The following ACSM3 variants were observed in gnomAD, a reference collection of about 807,000 sequenced individuals.
The protein encoded by ACSM3 is acyl-CoA synthetase medium chain family member 3, also known as acyl-coenzyme A synthetase ACSM3, mitochondrial.
Under a neutral mutation model 74.1 loss-of-function variants are expected in ACSM3, and 61 were observed. That is an observed-to-expected ratio of 0.82 (90% CI 0.67 to 1.02). The LOEUF (loss-of-function observed/expected upper bound fraction) is 1.02, where lower values mean the gene tolerates loss of function less well. ACSM3 is among the 50% of genes least tolerant of loss of function. The pLI is 0.00. For missense variants in ACSM3, 660 were observed against 697.0 expected (o/e 0.95, Z 0.60); for synonymous variants, 213 against 241.5 (o/e 0.88, Z 1.09).
chr16:20,718,442 T>C, intron 1 of ACSM3: 1 of 597,002 alleles, frequency 1.7e-6, no homozygotes, highest in Non-Finnish European at 2.5e-6. Context: ...TCTCCTAAGA[T>C]GGCCCAGCAC....
At chr16:20,711,693 C>G in intron 1 of ACSM3, 2 of 527,790 alleles carry the variant, frequency 3.8e-6, no homozygotes, top group Non-Finnish European at 7.0e-6. Flanking sequence ...GAGTATTTTT[C>G]CCAGCCAATC....
chr16:20,791,925 CG>C, intron 10 of ACSM3, 76 bp from the exon 11 acceptor site: 2 of 1,410,748 alleles, frequency 1.4e-6, no homozygotes, highest in South Asian at 2.5e-5. Flanking sequence ...GAGACTGTCT[CG>C]GAAAAAAAAA....
chr16:20,794,784 A>C (rs1424084995), intron 12 of ACSM3, among the ~76,000 whole-genome samples: 1 of 152,214 alleles, frequency 6.6e-6, no homozygotes, highest in Non-Finnish European at 1.5e-5. Flanking sequence ...AGGCACAAAG[A>C]GATTACCTAA....
intron 3 of ACSM3, among the ~76,000 whole-genome samples, chr16:20,756,858 G>C (rs1596502018): frequency 6.6e-6 from 1 of 152,078 alleles, no homozygotes; most frequent in Non-Finnish European, 1.5e-5. Context: ...CATATGGCTA[G>C]CCAGTTTTCC....
chr16:20,763,192 TACACC>T (rs2080091473), upstream of ACSM3, among the ~76,000 whole-genome samples: 1 of 152,192 alleles, frequency 6.6e-6, no homozygotes, highest in African/African-American at 2.4e-5. Context: ...AGGCAATAGA[TACACC>T]ATCAAACAAA....
At chr16:20,771,956 A>C (rs11641265) in intron 2 of ACSM3, among the ~76,000 whole-genome samples, 1 of 152,072 alleles carries the variant, frequency 6.6e-6, no homozygotes, top group Non-Finnish European at 1.5e-5. Context: ...ATATCTCATC[A>C]TGGTTTTGAT....
chr16:20,789,252 C>G (rs2080540068), intron 9 of ACSM3, among the ~76,000 whole-genome samples: 1 of 152,036 alleles, frequency 6.6e-6, no homozygotes, highest in African/African-American at 2.4e-5. Flanking sequence ...CAATCATGCA[C>G]AGTGTTAAAC....
rs767708956 is a variant in ACSM3 at position 20,691,167 on chromosome 16, G to A, written c.-190+16345G>A. On this transcript the variant is annotated intron_variant, in intron 1 of 3. Transcript: ENST00000561584. Reference sequence around the variant, plus strand: ...GATTTGTGGATGCCCCAGAGGGTCCGGAACCTCATTAGCCACTGCATGGTG... The same window carrying A: ...GATTTGTGGATGCCCCAGAGGGTCCAGAACCTCATTAGCCACTGCATGGTG... 9.4e-6 allele frequency: 15 copies of A among 1,600,620 alleles called. No individual in the cohort carries two copies. The African/African-American group carries it at 1.2e-4, about 13-fold the overall frequency.
chr16:20,719,679 C>T (rs2079778670), intron 1 of ACSM3, among the ~76,000 whole-genome samples: 1 of 152,190 alleles, frequency 6.6e-6, no homozygotes, highest in South Asian at 2.1e-4. Context: ...TTCTAAATAA[C>T]AGATTAGAAG....
At chr16:20,695,827 A>G (rs2079687091) in intron 1 of ACSM3, among the ~76,000 whole-genome samples, 1 of 152,156 alleles carries the variant, frequency 6.6e-6, no homozygotes, top group Non-Finnish European at 1.5e-5. Flanking sequence ...CTATTTCTGT[A>G]TCTATATACC....
chr16:20,711,591 C>A, intron 1 of ACSM3: 1 of 1,288,578 alleles, frequency 7.8e-7, no homozygotes, highest in South Asian at 1.2e-5. Flanking sequence ...TAGTGGAGTC[C>A]ATTGCACTGG....
At position 20,780,876 on chromosome 16, in the gene ACSM3, G is replaced by A. The variant is rs780992713; in HGVS notation, c.782+19G>A. ...ATGGAAGGTATACTTTCACAAAAGT[G>A]CAGCTTGAAGTGTCAAAACTGCAAA... is the stretch of plus-strand genomic sequence containing the variant. On this transcript the variant is annotated intron_variant, in intron 5 of 13. Coordinates refer to ENST00000289416, the MANE Select transcript of ACSM3 (RefSeq NM_005622.4). 1 of 1,613,858 alleles carries A rather than the reference G, an allele frequency of 6.2e-7. No homozygotes were observed. The highest frequency in any genetic ancestry group is 1.3e-5 in the African/African-American group (1 of 74,936).
At chr16:20,779,395 G>C (rs1199215465) in intron 4 of ACSM3, among the ~76,000 whole-genome samples, 1 of 147,592 alleles carries the variant, frequency 6.8e-6, no homozygotes, top group African/African-American at 2.5e-5. Flanking sequence ...CTGCACTCCA[G>C]CCTGGGTGAG....
upstream of ACSM3, among the ~76,000 whole-genome samples, chr16:20,760,631 G>A (rs1019239553): frequency 2.6e-5 from 4 of 152,080 alleles, no homozygotes; most frequent in Non-Finnish European, 5.9e-5. Context: ...TGATGAATGT[G>A]GAGTTGGGGA....
At chr16:20,771,684 C>T (rs748012788) in intron 2 of ACSM3, among the ~76,000 whole-genome samples, 1 of 152,128 alleles carries the variant, frequency 6.6e-6, no homozygotes, top group Non-Finnish European at 1.5e-5. Context: ...ATGTACAGTG[C>T]TGCAATAAAC....
intron 1 of ACSM3, among the ~76,000 whole-genome samples, chr16:20,768,264 G>A (rs2080149110): frequency 6.6e-6 from 1 of 152,208 alleles, no homozygotes; most frequent in African/African-American, 2.4e-5. Context: ...ATAAGGTCAT[G>A]CAGTTCATAA....
intron 2 of ACSM3, among the ~76,000 whole-genome samples, chr16:20,752,183 C>G (rs1039753126): frequency 2.0e-5 from 3 of 151,914 alleles, no homozygotes; most frequent in Non-Finnish European, 4.4e-5. Context: ...GAGCGAGACT[C>G]TGTCTCACAA....
chr16:20,776,863 A>G (rs1410420148), intron 3 of ACSM3, among the ~76,000 whole-genome samples: 1 of 152,204 alleles, frequency 6.6e-6, no homozygotes, highest in Non-Finnish European at 1.5e-5. Context: ...TTTTGGAAAT[A>G]AATCATAAAG....
intron 1 of ACSM3, among the ~76,000 whole-genome samples, chr16:20,722,651 TCAATA>T (rs1431313225): frequency 1.3e-5 from 2 of 152,208 alleles, no homozygotes; most frequent in Non-Finnish European, 2.9e-5. Context: ...ACATCCATAA[TCAATA>T]CTATACATGA....
Sources: gnomAD v4.1 joint callset for allele counts (sites outside exome capture counted in the v4.1 genomes callset) on GRCh38, gnomAD v4.1.1 for gene constraint, MANE v1.5 for transcripts, NCBI Gene and HGNC (gene_info 2026-07-23, HGNC 2026-07-21) for gene names.